SLC35F4: variants seen among roughly 807,000 people sequenced by gnomAD.
The protein encoded by SLC35F4 is solute carrier family 35 member F4, also known as chromosome 14 open reading frame 36.
In SLC35F4, 24 loss-of-function variants were observed where a neutral mutation model predicts 44.2. The ratio of observed to expected loss-of-function variants is 0.54; its 90% CI spans 0.39 to 0.76. SLC35F4 has a LOEUF of 0.76. SLC35F4 is among the 30% of genes least tolerant of loss of function. The probability of loss-of-function intolerance (pLI) is 0.00; values close to 1 mark genes in which losing one functional copy is unlikely to be tolerated. For missense variants in SLC35F4, 562 were observed against 586.1 expected (o/e 0.96, Z 0.42); for synonymous variants, 238 against 223.6 (o/e 1.06, Z -0.57).
intron 1 of SLC35F4, among the ~76,000 whole-genome samples, chr14:57,746,818 A>T (rs2076766791): frequency 6.6e-6 from 1 of 152,150 alleles, no homozygotes; most frequent in South Asian, 2.1e-4. Context: ...CCAGAAATGC[A>T]AAGTTAGAGA....
intron 1 of SLC35F4, among the ~76,000 whole-genome samples, chr14:57,743,263 C>CA (rs1253384180): frequency 2.6e-5 from 4 of 152,062 alleles, no homozygotes; most frequent in Non-Finnish European, 2.9e-5. Context: ...AAAAACCCTT[C>CA]AAAAAATCAA....
intron 3 of SLC35F4, among the ~76,000 whole-genome samples, chr14:57,585,547 A>G (rs2069645452): frequency 6.6e-6 from 1 of 152,232 alleles, no homozygotes; most frequent in Non-Finnish European, 1.5e-5. Context: ...AGAGGAAGTC[A>G]AATTGTCTCT....
chr14:57,653,491 G>T (rs1045060089), intron 1 of SLC35F4, among the ~76,000 whole-genome samples: 24 of 152,194 alleles, frequency 1.6e-4, no homozygotes, highest in Non-Finnish European at 1.5e-5. Context: ...GGTCGGGGGA[G>T]CCCAGGGGCC....
intron 1 of SLC35F4, among the ~76,000 whole-genome samples, chr14:57,612,483 C>A (rs2071572474): frequency 6.6e-6 from 1 of 152,328 alleles, no homozygotes; most frequent in African/African-American, 2.4e-5. Context: ...ATTCCTTGAC[C>A]ATTTTCCCTC....
In SLC35F4 at chr14:57,667,655, G is replaced by T. The variant is rs573596346; in HGVS notation, c.104-73531C>A. On this transcript the variant is annotated intron_variant, in intron 1 of 7. Transcript: ENST00000556826. ...CAGCTTCATCCATGTCCCTACAAAG[G>T]ACATGAACTCATCCTTGTTTATGGC... 3.0e-4 allele frequency among the ~76,000 whole-genome samples: 46 copies of T among 151,846 alleles called. 1 individual carries two copies. The East Asian group carries it at 8.5e-3, about 28-fold the overall frequency.
intron 4 of SLC35F4, among the ~76,000 whole-genome samples, chr14:57,576,017 T>A (rs968187988): frequency 6.6e-6 from 1 of 152,160 alleles, no homozygotes; most frequent in East Asian, 1.9e-4. Context: ...TTTTCTCTTT[T>A]GGCTCGGGCC....
downstream of SLC35F4, among the ~76,000 whole-genome samples, chr14:57,974,732 A>G (rs1419023249): frequency 1.3e-5 from 2 of 152,222 alleles, no homozygotes; most frequent in Non-Finnish European, 2.9e-5. Context: ...AAAAAGGATT[A>G]TGAAGGAAAA....
intron 1 of SLC35F4, among the ~76,000 whole-genome samples, chr14:57,926,576 T>C (rs1377287282): frequency 6.6e-6 from 1 of 152,128 alleles, no homozygotes; most frequent in Admixed American, 6.5e-5. Context: ...TTTATATGTA[T>C]ATGTGCCACT....
Position 57,657,097 on chromosome 14 carries a change from C to T in SLC35F4, c.104-62973G>A, listed in dbSNP as rs188124243. Among the ~76,000 whole-genome samples the T allele has an allele frequency of 4.1e-3, 629 of 152,328 alleles. 7 individuals are homozygous for T. The highest frequency in any genetic ancestry group is 0.014 in the African/African-American group (587 of 41,582). The stretch of plus-strand genomic sequence containing the variant: ...TCAGAAAACACAAGTTCAGGCATCA[C>T]CTGGATCTTTTTGACTCAAACGCCT... On this transcript the variant is annotated intron_variant, in intron 1 of 7. Transcript: ENST00000556826.
chr14:57,642,435 C>G (rs1160275374), intron 1 of SLC35F4, among the ~76,000 whole-genome samples: 1 of 151,866 alleles, frequency 6.6e-6, no homozygotes, highest in Non-Finnish European at 1.5e-5. Context: ...TGGCAAATAC[C>G]ATATTTTATA....
rs202129645 is a variant in SLC35F4 at position 57,612,251 on chromosome 14, TA to T, written c.104-18128del. ...GGACAACAGAGTGAGATCCCGTCTC[TA>T]AAAAAAAAAGTTTGGGGAAGGAGCT... is the stretch of plus-strand genomic sequence containing the variant. On this transcript the variant is annotated intron_variant, in intron 1 of 7. Transcript: ENST00000556826. 2.8e-3 allele frequency among the ~76,000 whole-genome samples: 415 copies of T among 148,126 alleles called. 1 individual carries two copies. Among genetic ancestry groups the T allele is most frequent in the Middle Eastern group, 0.017 (5 of 290 alleles).
intron 1 of SLC35F4, among the ~76,000 whole-genome samples, chr14:57,647,803 C>T (rs1049562579): frequency 1.3e-5 from 2 of 152,112 alleles, no homozygotes; most frequent in Non-Finnish European, 2.9e-5. Flanking sequence ...AATATGTAAT[C>T]GGGTTCTTCA....
chr14:57,875,882 C>A (rs868397163), intron 1 of SLC35F4, among the ~76,000 whole-genome samples: 2 of 152,124 alleles, frequency 1.3e-5, no homozygotes, highest in Non-Finnish European at 2.9e-5. Context: ...TGTTGTTAAG[C>A]AGATTGATCA....
intron 1 of SLC35F4, among the ~76,000 whole-genome samples, chr14:57,796,831 C>T (rs537585092): frequency 1.3e-5 from 2 of 152,118 alleles, no homozygotes; most frequent in African/African-American, 4.8e-5. Flanking sequence ...TACACACAAA[C>T]CCTCAATGAA....
At chr14:57,849,220 G>T (rs1350513697) in intron 1 of SLC35F4, among the ~76,000 whole-genome samples, 2 of 152,190 alleles carry the variant, frequency 1.3e-5, no homozygotes, top group African/African-American at 4.8e-5. Flanking sequence ...GAGTGCAGTG[G>T]CATGATCTCG....
chr14:57,875,021 A>G (rs1048372783), intron 1 of SLC35F4, among the ~76,000 whole-genome samples: 1 of 149,726 alleles, frequency 6.7e-6, no homozygotes, highest in African/African-American at 2.5e-5. Context: ...GTGTCTTTAG[A>G]TAAGAGTAAA....
chr14:57,593,718 A>G (rs1344884864), intron 2 of SLC35F4, among the ~76,000 whole-genome samples: 1 of 152,202 alleles, frequency 6.6e-6, no homozygotes, highest in African/African-American at 2.4e-5. Context: ...TAGTTACTCA[A>G]CTACAGGTTT....
intron 1 of SLC35F4, among the ~76,000 whole-genome samples, chr14:57,652,477 A>G (rs1179976643): frequency 6.6e-6 from 1 of 152,162 alleles, no homozygotes; most frequent in Non-Finnish European, 1.5e-5. Context: ...GTGGTTCTGA[A>G]CGAGGGATGA....
intron 1 of SLC35F4, among the ~76,000 whole-genome samples, chr14:57,817,615 T>C (rs1228046759): frequency 1.3e-5 from 2 of 151,910 alleles, no homozygotes; most frequent in Middle Eastern, 3.2e-3. Flanking sequence ...GAGTGGAGAA[T>C]ACATATGAGA....
Sources: allele counts gnomAD v4.1 joint callset (sites outside exome capture counted in the v4.1 genomes callset), GRCh38; gene constraint gnomAD v4.1.1; transcripts MANE v1.5; gene names NCBI Gene and HGNC (gene_info 2026-07-23, HGNC 2026-07-21).